ACOXL: variants seen among roughly 807,000 people sequenced by gnomAD.
ACOXL encodes the protein acyl-CoA oxidase like, also known as acyl-coenzyme A oxidase-like protein.
ACOXL carries 70 observed loss-of-function variants against 71.9 expected under a neutral mutation model. The observed-to-expected ratio is 0.97, with a 90% CI of 0.80 to 1.19. The LOEUF (loss-of-function observed/expected upper bound fraction) is 1.19, where lower values mean the gene tolerates loss of function less well. Among genes scored for constraint, ACOXL ranks in the 50% most tolerant of loss-of-function variants. ACOXL has a pLI of 0.00. For missense variants in ACOXL, 703 were observed against 736.3 expected (o/e 0.95, Z 0.52); for synonymous variants, 253 against 281.6 (o/e 0.90, Z 1.02).
At chr2:111,028,334 A>G (rs771855309) in intron 14 of ACOXL, among the ~76,000 whole-genome samples, 3 of 151,822 alleles carry the variant, frequency 2.0e-5, no homozygotes, top group Non-Finnish European at 4.4e-5. Flanking sequence ...CCCAGGCTAG[A>G]GTGCAATGGC....
intron 10 of ACOXL, among the ~76,000 whole-genome samples, chr2:110,842,233 G>C (rs189321698): frequency 1.3e-5 from 2 of 152,176 alleles, no homozygotes; most frequent in African/African-American, 4.8e-5. Flanking sequence ...TAGAAAGCTG[G>C]GGGGGAGCCA....
chr2:110,849,870 A>G (rs1170939273), intron 10 of ACOXL, among the ~76,000 whole-genome samples: 1 of 152,260 alleles, frequency 6.6e-6, no homozygotes, highest in Non-Finnish European at 1.5e-5. Flanking sequence ...GTAAAGCTGC[A>G]GTAATCAAGA....
chr2:110,733,283 C>T (rs974026839), intron 1 of ACOXL, among the ~76,000 whole-genome samples: 7 of 152,028 alleles, frequency 4.6e-5, no homozygotes, highest in African/African-American at 1.7e-4. Flanking sequence ...TGCAGGTGTG[C>T]GGAATGGGCA....
At chr2:111,093,234 A>G (rs1050631746) in intron 17 of ACOXL, among the ~76,000 whole-genome samples, 1 of 152,078 alleles carries the variant, frequency 6.6e-6, no homozygotes, top group African/African-American at 2.4e-5. Flanking sequence ...GCCAAAAAAA[A>G]AAAAAAAAAA....
At chr2:110,950,892 C>A (rs2061309813) in intron 12 of ACOXL, among the ~76,000 whole-genome samples, 1 of 150,722 alleles carries the variant, frequency 6.6e-6, no homozygotes, top group African/African-American at 2.4e-5. Context: ...GGTCTGGAGT[C>A]CCCGAATCTG....
At chr2:110,986,884 A>G (rs905431911) in intron 12 of ACOXL, among the ~76,000 whole-genome samples, 2 of 152,152 alleles carry the variant, frequency 1.3e-5, no homozygotes, top group African/African-American at 2.4e-5. Flanking sequence ...AGAGCAAGCA[A>G]TAAGTAGTTA....
At chr2:110,864,243 A>G (rs1694291427) in intron 10 of ACOXL, among the ~76,000 whole-genome samples, 1 of 152,136 alleles carries the variant, frequency 6.6e-6, no homozygotes. Context: ...GGAGATGGGA[A>G]AGGGAACATT....
chr2:111,062,234 G>A (rs2066853230), intron 16 of ACOXL, among the ~76,000 whole-genome samples: 1 of 151,862 alleles, frequency 6.6e-6, no homozygotes, highest in African/African-American at 2.4e-5. Context: ...TAGAAAGACA[G>A]TCTATATTAA....
intron 3 of ACOXL, among the ~76,000 whole-genome samples, chr2:110,789,389 C>A (rs1684389031): frequency 6.6e-6 from 1 of 152,154 alleles, no homozygotes; most frequent in South Asian, 2.1e-4. Flanking sequence ...TCTGTCTTAG[C>A]CTGCTTGGAC....
intron 10 of ACOXL, among the ~76,000 whole-genome samples, chr2:110,842,459 C>G (rs112639800): frequency 6.6e-6 from 1 of 152,176 alleles, no homozygotes; most frequent in African/African-American, 2.4e-5. Context: ...CTAGAGAAAG[C>G]ATGCACATTT....
intron 13 of ACOXL, among the ~76,000 whole-genome samples, 168 bp from the exon 14 acceptor site, chr2:110,995,725 A>G (rs1409611918): frequency 6.6e-6 from 1 of 152,108 alleles, no homozygotes; most frequent in African/African-American, 2.4e-5. Flanking sequence ...ATTACCGAAA[A>G]GAATTATGAA....
At chr2:110,901,944 T>TCC (rs2059251284) in intron 10 of ACOXL, among the ~76,000 whole-genome samples, 1 of 151,996 alleles carries the variant, frequency 6.6e-6, no homozygotes, top group African/African-American at 2.4e-5. Flanking sequence ...GGAGAATTGC[T>TCC]TGAACCCGGG....
At chr2:110,959,088 C>T (rs900397897) in intron 12 of ACOXL, among the ~76,000 whole-genome samples, 2 of 152,324 alleles carry the variant, frequency 1.3e-5, no homozygotes, top group Admixed American at 1.3e-4. Context: ...AGGGACAGAG[C>T]GGGGCAAACC....
chr2:110,999,868 A>C (rs1278976504), intron 14 of ACOXL, among the ~76,000 whole-genome samples: 1 of 152,144 alleles, frequency 6.6e-6, no homozygotes, highest in Admixed American at 6.5e-5. Context: ...CTGCAACCTC[A>C]TGAGAGTCCC....
At chr2:110,885,127 T>A (rs946716002) in intron 10 of ACOXL, among the ~76,000 whole-genome samples, 1 of 152,184 alleles carries the variant, frequency 6.6e-6, no homozygotes, top group Non-Finnish European at 1.5e-5. Flanking sequence ...GGAATGGATT[T>A]CTCCTTACCC....
intron 10 of ACOXL, among the ~76,000 whole-genome samples, chr2:110,877,094 A>C (rs1394976088): frequency 6.6e-6 from 1 of 152,200 alleles, no homozygotes; most frequent in African/African-American, 2.4e-5. Context: ...AGTAGGTGAC[A>C]GCTGAATGAA....
intron 8 of ACOXL, among the ~76,000 whole-genome samples, chr2:110,803,376 A>G (rs1291726345): frequency 6.6e-6 from 1 of 152,246 alleles, no homozygotes; most frequent in Non-Finnish European, 1.5e-5. Flanking sequence ...TACAGTTACA[A>G]TCAATTAATA....
chr2:111,032,954 T>C (rs1236879010), intron 15 of ACOXL, among the ~76,000 whole-genome samples: 1 of 152,240 alleles, frequency 6.6e-6, no homozygotes, highest in Non-Finnish European at 1.5e-5. Context: ...TCTTCCTTCC[T>C]TCTAAGGACC....
intron 13 of ACOXL, 124 bp downstream of exon 13, chr2:110,987,341 T>G (rs2149552141): frequency 1.2e-6 from 1 of 805,076 alleles, no homozygotes; most frequent in Non-Finnish European, 2.0e-6. Flanking sequence ...GCAAGAAATC[T>G]GTGAATCTGT....
Sources: allele counts gnomAD v4.1 joint callset (sites outside exome capture counted in the v4.1 genomes callset), GRCh38; gene constraint gnomAD v4.1.1; transcripts MANE v1.5; gene names NCBI Gene and HGNC (gene_info 2026-07-23, HGNC 2026-07-21).